The following SLC36A2 variants were observed in gnomAD, a reference collection of about 807,000 sequenced individuals.
SLC36A2 encodes the protein proton-coupled amino acid transporter 2.
SLC36A2 carries 39 observed loss-of-function variants against 42.7 expected under a neutral mutation model. The observed-to-expected ratio is 0.91, with a 90% confidence interval of 0.71 to 1.19. The LOEUF is 1.19. SLC36A2 is among the 50% of genes most tolerant of loss of function. The pLI, the probability that SLC36A2 is intolerant of heterozygous loss-of-function variation, is 0.00. For missense variants in SLC36A2, 590 were observed against 613.7 expected, an observed-to-expected ratio of 0.96 and a Z score of 0.41; for synonymous variants, 237 against 240.8, an observed-to-expected ratio of 0.98 and a Z score of 0.15.
chr5:151,323,288 TGG>T (rs1382530155), intron 8 of SLC36A2, among the ~76,000 whole-genome samples: 90 of 146,830 alleles, frequency 6.1e-4, no homozygotes, highest in African/African-American at 2.2e-3. Context: ...AATAAATAAA[TGG>T]GTGTGTGTGT....
At chr5:151,333,522 C>T (rs1356489698) in intron 6 of SLC36A2, among the ~76,000 whole-genome samples, 200 bp from the exon 7 acceptor site, 1 of 151,966 alleles carries the variant, frequency 6.6e-6, no homozygotes, top group Non-Finnish European at 1.5e-5. Context: ...ACGGTATTGT[C>T]AAAGTACTGA....
chr5:151,318,594 A>G (rs1755588484), intron 9 of SLC36A2, among the ~76,000 whole-genome samples: 1 of 144,620 alleles, frequency 6.9e-6, no homozygotes, highest in East Asian at 2.0e-4. Flanking sequence ...ATATATATAA[A>G]AATATAATAA....
Position 151,343,484 on chromosome 5 carries a change from T to G in SLC36A2, c.344+26A>C, listed in dbSNP as rs558219221. The G allele has an allele frequency of 6.2e-6, 10 of 1,608,962 alleles. No homozygotes were observed. The South Asian group carries it at 1.1e-4, about 18-fold the overall frequency. On this transcript the variant is annotated intron_variant, in intron 3 of 9. Coordinates refer to ENST00000335244, the MANE Select transcript of SLC36A2 (RefSeq NM_181776.3). ...CCTGAGAACCATGCACCAAAGGAATTGACACAAGGAGGCTGTTTTCCTCAC... is the reference window on the plus strand; with the variant it reads ...CCTGAGAACCATGCACCAAAGGAATGGACACAAGGAGGCTGTTTTCCTCAC...
intron 9 of SLC36A2, 138 bp downstream of exon 9, chr5:151,321,908 C>T (rs575730280): frequency 4.8e-6 from 5 of 1,042,534 alleles, no homozygotes; most frequent in East Asian, 2.6e-5. Context: ...AAACTCCTGA[C>T]CTCAGGTGAT....
At chr5:151,317,313 G>T (rs1755529688) in intron 9 of SLC36A2, among the ~76,000 whole-genome samples, 1 of 152,024 alleles carries the variant, frequency 6.6e-6, no homozygotes, top group East Asian at 1.9e-4. Context: ...TCAGCCGGGT[G>T]TGGTAGTGGG....
intron 9 of SLC36A2, among the ~76,000 whole-genome samples, chr5:151,318,672 A>G (rs1401841847): frequency 6.7e-6 from 1 of 149,952 alleles, no homozygotes; most frequent in Non-Finnish European, 1.5e-5. Flanking sequence ...AATTAACATG[A>G]GTATAAGAAC....
Position 151,339,145 on chromosome 5 carries a change from C to A in SLC36A2, c.441-1G>T. The A allele has an allele frequency of 1.2e-6, 2 of 1,604,902 alleles. No homozygotes were observed. The highest frequency in any genetic ancestry group is 2.2e-5 in the East Asian group (1 of 44,502). ...AATAAGGAAGAAGCTCACGATATGC[C>A]TAGAAGGGAGAAGAGAGGGAAAAAG... On this transcript the variant is annotated splice_acceptor_variant, in intron 4 of 9. Transcript: ENST00000335244. LOFTEE classifies it high-confidence loss of function.
chr5:151,331,867 A>T (rs1339272205), intron 7 of SLC36A2, among the ~76,000 whole-genome samples: 1 of 150,672 alleles, frequency 6.6e-6, no homozygotes, highest in Non-Finnish European at 1.5e-5. Flanking sequence ...GCAAGATCCC[A>T]TCTCTCTTTT....
At chr5:151,327,763 T>A (rs976666773) in intron 7 of SLC36A2, among the ~76,000 whole-genome samples, 1 of 152,118 alleles carries the variant, frequency 6.6e-6, no homozygotes, top group South Asian at 2.1e-4. Flanking sequence ...TCTCTCTCTC[T>A]CTCTCTCCAC....
chr5:151,322,062 G>A lies in SLC36A2; in HGVS notation c.1164C>T (p.Val388=), dbSNP rs746436931. Residue 388 remains valine (V), a synonymous_variant, in exon 9 of 10, where the codon GTC becomes GTT. Coordinates refer to ENST00000335244, the MANE Select transcript of SLC36A2 (RefSeq NM_181776.3). ...TCTACTCACATGTCAGGCAGACCAT[G>A]ACGAGGCGAATGGACAGATCCAGAG... ...ALPLDLSIRL[V]MVCLTCLLAI... is the part of the protein sequence containing the mutation. The A allele has an allele frequency of 5.6e-6, 9 of 1,614,098 alleles. No homozygotes were observed. The highest frequency in any genetic ancestry group is 6.8e-6 in the Non-Finnish European group (8 of 1,180,050).
Position 151,322,047 on chromosome 5 carries a change from T to A in SLC36A2, c.1179A>T (p.Thr393=), listed in dbSNP as rs1755708257. 6.2e-7 allele frequency: 1 copy of A among 1,614,068 alleles called. No homozygotes were observed. The highest frequency in any genetic ancestry group is 1.3e-5 in the African/African-American group (1 of 74,938). ...CACTGCACTCTCCTTTCTACTCACATGTCAGGCAGACCATGACGAGGCGAA... is the reference window on the plus strand; with the variant it reads ...CACTGCACTCTCCTTTCTACTCACAAGTCAGGCAGACCATGACGAGGCGAA... ...LSIRLVMVCL[T]CLLAILIPRL... Residue 393 remains threonine, a splice_region_variant and synonymous_variant, in exon 9 of 10, where the codon ACA becomes ACT. Transcript: ENST00000335244.
rs910600011 is a variant in SLC36A2 at position 151,343,584 on chromosome 5, A to G, written c.270T>C (p.Ser90=). The G allele has an allele frequency of 7.4e-6, 12 of 1,614,026 alleles. No homozygotes were observed. Among genetic ancestry groups the G allele is most frequent in the Non-Finnish European group, 1.0e-5 (12 of 1,180,010 alleles). The change falls in exon 3 of 10, where the codon AGT becomes AGC. Residue 90 remains serine (S), a synonymous_variant. Coordinates refer to ENST00000335244, the MANE Select transcript of SLC36A2 (RefSeq NM_181776.3). The part of the protein sequence containing the change: ...KNAGILMGPL[S]LLVMGFIACH... ...AGGCAATGAAGCCCATCACCAGCAG[A>G]CTGAGTGGGCCCATCTGGAGGAAGG...
intron 4 of SLC36A2, among the ~76,000 whole-genome samples, chr5:151,342,351 T>C (rs1756370544): frequency 1.3e-5 from 2 of 152,064 alleles, no homozygotes; most frequent in African/African-American, 4.8e-5. Flanking sequence ...CAGGCCCCTG[T>C]CCACCTTCTT....
At chr5:151,332,247 C>T (rs1291248329) in intron 7 of SLC36A2, among the ~76,000 whole-genome samples, 1 of 152,082 alleles carries the variant, frequency 6.6e-6, no homozygotes, top group East Asian at 1.9e-4. Context: ...ATTTGCAAAC[C>T]ATTTTTCTGA....
At position 151,326,498 on chromosome 5, in the gene SLC36A2, T is replaced by A. The variant is rs1214027210; in HGVS notation, c.844-1046A>T. Among the ~76,000 whole-genome samples, 9 of 152,288 alleles carry A rather than the reference T, an allele frequency of 5.9e-5. No homozygotes were observed. In the East Asian group the frequency reaches 1.5e-3, roughly 26 times the overall value. On this transcript the variant is annotated intron_variant, in intron 7 of 9. Transcript: ENST00000335244. ...GAGCGCTTCCTGGTTCTGCCAGCAGTGCATTTCCCCACACCCCAGGTTCTC... is the reference window on the plus strand; with the variant it reads ...GAGCGCTTCCTGGTTCTGCCAGCAGAGCATTTCCCCACACCCCAGGTTCTC...
At chr5:151,334,483 G>A (rs971244548) in intron 6 of SLC36A2, among the ~76,000 whole-genome samples, 4 of 152,072 alleles carry the variant, frequency 2.6e-5, no homozygotes, top group Non-Finnish European at 5.9e-5. Context: ...TTGAGGTCAG[G>A]AGTTCGAGAC....
intron 5 of SLC36A2, among the ~76,000 whole-genome samples, 177 bp from the exon 6 acceptor site, chr5:151,335,724 A>G (rs1756136593): frequency 6.6e-6 from 1 of 152,164 alleles, no homozygotes; most frequent in African/African-American, 2.4e-5. Flanking sequence ...TCTACACCAT[A>G]CTACCTCAGA....
chr5:151,344,326 T>A, intron 1 of SLC36A2, 59 bp from the exon 2 acceptor site: 1 of 1,425,642 alleles, frequency 7.0e-7, no homozygotes, highest in Non-Finnish European at 9.8e-7. Context: ...GATCCAGCGG[T>A]GATTCCCTTG....
At position 151,325,617 on chromosome 5, in the gene SLC36A2, A is replaced by G. The variant is rs139027422; in HGVS notation, c.844-165T>C. 2.6e-5 allele frequency among the ~76,000 whole-genome samples: 4 copies of G among 152,350 alleles called. No homozygotes were observed. The East Asian group carries it at 5.8e-4, about 22-fold the overall frequency. On this transcript the variant is annotated intron_variant, in intron 7 of 9. Coordinates refer to ENST00000335244, the MANE Select transcript of SLC36A2 (RefSeq NM_181776.3). ...TGCTATTCACATAGCCAAAAGGTGG[A>G]AGCAACCCAAGGGTCTAGCAACAGA...
Sources: gnomAD v4.1 joint callset for allele counts (sites outside exome capture counted in the v4.1 genomes callset) on GRCh38, gnomAD v4.1.1 for gene constraint, MANE v1.5 for transcripts, NCBI Gene and HGNC (gene_info 2026-07-23, HGNC 2026-07-21) for gene names.